Variants in ELP5 observed in about 807,000 individuals in gnomAD.
The protein encoded by ELP5 is elongator complex protein 5.
Under a neutral mutation model 33.4 loss-of-function variants are expected in ELP5, and 34 were observed. That is an observed-to-expected ratio of 1.02 (90% CI 0.78 to 1.36). ELP5 has a LOEUF of 1.36. Ranked by LOEUF, ELP5 falls within the 40% of genes most tolerant of loss-of-function variation. The pLI, the probability that ELP5 is intolerant of heterozygous loss-of-function variation, is 0.00. For synonymous variants in ELP5, 161 were observed against 146.4 expected, an observed-to-expected ratio of 1.10 and a Z score of -0.72; for missense variants, 373 against 371.7, an observed-to-expected ratio of 1.00 and a Z score of -0.03.
intron 3 of ELP5, among the ~76,000 whole-genome samples, chr17:7,254,176 C>T (rs947611674): frequency 1.3e-5 from 2 of 152,188 alleles, no homozygotes; most frequent in African/African-American, 4.8e-5. Context: ...AATCTCACGT[C>T]CTCTGCTTTC....
chr17:7,259,866 A>C lies in ELP5; in HGVS notation c.*181A>C, dbSNP rs1240635794. ...TCTCATCAGGACAGAAGGTAGGATG[A>C]AGACATGGGGTAATGTGAGAGAGTA... On this transcript the variant is annotated 3_prime_UTR_variant, in exon 8 of 8. Transcript: ENST00000396628. The C allele has an allele frequency of 3.7e-6, 4 of 1,070,122 alleles. No individual in the cohort carries two copies. Among genetic ancestry groups the C allele is most frequent in the African/African-American group, 1.6e-5 (1 of 62,856 alleles). 66.3% of individuals were successfully genotyped at this position (1,070,122 alleles called of 1,614,324 possible). A position where few individuals can be genotyped will look rare whatever the true frequency, so the allele number is the denominator to read the frequency against.
chr17:7,256,848 C>T lies in ELP5; in HGVS notation c.410-9C>T, dbSNP rs778004800. ...TCCCTACTATCCTACATTTCTTGTC[C>T]TCCTCTAGGTGACAGCTCCTCAGTG... On this transcript the variant is annotated splice_polypyrimidine_tract_variant and intron_variant, in intron 4 of 7. Transcript: ENST00000396628. 1 of 1,614,086 alleles carries T rather than the reference C, an allele frequency of 6.2e-7. No homozygotes were observed. The highest frequency in any genetic ancestry group is 8.5e-7 in the Non-Finnish European group (1 of 1,179,940).
In ELP5 at chr17:7,259,029, A is replaced by G. The variant is rs989758448; in HGVS notation, c.788+103A>G. 1.5e-5 allele frequency: 23 copies of G among 1,531,966 alleles called. No homozygotes were observed. The African/African-American group carries it at 2.6e-4, about 18-fold the overall frequency. 94.9% of individuals were successfully genotyped at this position (1,531,966 alleles called of 1,614,324 possible). ...TATTGATTAACCTGACTTTATAGGG[A>G]CTGAAGTCCACCTCCAGAGACAAGT... is the stretch of plus-strand genomic sequence containing the variant. On this transcript the variant is annotated intron_variant, in intron 7 of 7. Coordinates refer to ENST00000396628, the MANE Select transcript of ELP5 (RefSeq NM_203414.3).
At position 7,252,437 on chromosome 17, in the gene ELP5, T is replaced by G. The variant is rs1567589939; in HGVS notation, c.-114T>G. 2.0e-6 allele frequency: 3 copies of G among 1,491,314 alleles called. No homozygotes were observed. The Admixed American group carries it at 5.5e-5, about 27-fold the overall frequency. 92.4% of individuals were successfully genotyped at this position (1,491,314 alleles called of 1,614,324 possible). A position where few individuals can be genotyped will look rare whatever the true frequency, so the allele number is the denominator to read the frequency against. On this transcript the variant is annotated 5_prime_UTR_variant, in exon 1 of 8. Coordinates refer to ENST00000396628, the MANE Select transcript of ELP5 (RefSeq NM_203414.3). ...ACCTCTCATTCCAGACTATGTTAGG[T>G]CTTAATGGTGGGAGGACGCCCGAGT...
At position 7,257,037 on chromosome 17, in the gene ELP5, A is replaced by G; in HGVS notation, c.590A>G (p.Gln197Arg). 6.4e-7 allele frequency: 1 copy of G among 1,564,888 alleles called. No individual in the cohort carries two copies. ...AGGCCCCGACAGCGCCCAACTGACC[A>G]GGTCAGAAGAACCAACAGAGAAGGA... ...CRRPRQRPTD[Q>R]TQWFSILPDF... The change falls in exon 5 of 8, where the codon CAG becomes CGG. Residue 197 changes from glutamine to arginine, a missense_variant and splice_region_variant. By Grantham distance (43) the Gln-to-Arg change is conservative (BLOSUM62 1). Transcript: ENST00000396628.
At chr17:7,259,024 T>C in intron 7 of ELP5, 98 bp downstream of exon 7, 1 of 1,553,306 alleles carries the variant, frequency 6.4e-7, no homozygotes, top group Non-Finnish European at 8.7e-7. Flanking sequence ...CCTGACTTTA[T>C]AGGGACTGAA....
rs2072170286 is a variant in ELP5, at chr17:7,259,740, C to T, written c.*55C>T. Reference sequence around the variant, plus strand: ...AGGGGGCGCGGGAAGACTTTGGGCCCAGAACCATCTTTCTATTGTTTGTGT... The same window carrying T: ...AGGGGGCGCGGGAAGACTTTGGGCCTAGAACCATCTTTCTATTGTTTGTGT... On this transcript the variant is annotated 3_prime_UTR_variant, in exon 8 of 8. Transcript: ENST00000396628. 1 of 1,608,322 alleles carries T rather than the reference C, an allele frequency of 6.2e-7. No homozygotes were observed. Among genetic ancestry groups the T allele is most frequent in the East Asian group, 2.2e-5 (1 of 44,720 alleles).
At chr17:7,257,127 A>C (rs2072096271) in intron 5 of ELP5, 89 bp downstream of exon 5, 3 of 1,385,124 alleles carry the variant, frequency 2.2e-6, no homozygotes, top group Middle Eastern at 5.3e-4. Context: ...CTGATGTTTC[A>C]AGGAGACTTT....
chr17:7,256,857 G>C lies in ELP5; in HGVS notation c.410G>C (p.Gly137Ala). 1 of 1,614,188 alleles carries C rather than the reference G, an allele frequency of 6.2e-7. No individual in the cohort carries two copies. Among genetic ancestry groups the C allele is most frequent in the Non-Finnish European group, 8.5e-7 (1 of 1,180,028 alleles). ...TCCTACATTTCTTGTCCTCCTCTAG[G>C]TGACAGCTCCTCAGTGGGGAAAGTG... Reference protein sequence around the residue: ...HAVSHQDSCPGDSSSVGKVSV... With the variant: ...HAVSHQDSCPADSSSVGKVSV... Residue 137 changes from glycine to alanine, a missense_variant and splice_region_variant, in exon 5 of 8, where the codon GGT (glycine) becomes GCT (alanine). By Grantham distance (60) the Gly-to-Ala change is moderately conservative. Transcript: ENST00000396628.
intron 5 of ELP5, among the ~76,000 whole-genome samples, chr17:7,258,220 G>T (rs993804221): frequency 2.0e-5 from 3 of 152,150 alleles, no homozygotes; most frequent in African/African-American, 7.2e-5. Context: ...AGGCCGAAGT[G>T]GGCAGATCAC....
At chr17:7,259,231 C>T (rs2072154867) in intron 7 of ELP5, 2 of 1,376,748 alleles carry the variant, frequency 1.5e-6, no homozygotes, top group South Asian at 3.2e-5. Flanking sequence ...GCTAGGAGGA[C>T]AGAAGGCTAT....
rs1019218357 is a variant in ELP5, at chr17:7,256,730, G to A, written c.410-127G>A. 2.6e-5 allele frequency: 23 copies of A among 883,456 alleles called. No homozygotes were observed. The African/African-American group carries it at 3.3e-4, about 13-fold the overall frequency. 54.7% of individuals were successfully genotyped at this position (883,456 alleles called of 1,614,324 possible). On this transcript the variant is annotated intron_variant, in intron 4 of 7. Transcript: ENST00000396628. Reference sequence around the variant, plus strand: ...AGGCTCAGAGCACGGTAGTGAGATTGGCCAAGGGACGTCAGGATTTTGGCA... The same window carrying A: ...AGGCTCAGAGCACGGTAGTGAGATTAGCCAAGGGACGTCAGGATTTTGGCA...
Position 7,259,629 on chromosome 17 carries a change from C to T in ELP5, c.847C>T (p.Pro283Ser). The change falls in exon 8 of 8, where the codon CCA (proline) becomes TCA (serine). Residue 283 changes from proline to serine, a missense_variant. Pro to Ser is a moderately conservative substitution (Grantham distance 74, BLOSUM62 -1). Transcript: ENST00000396628. ...GGCTACCAGCCACATCTTCTATGAG[C>T]CAGATGCTTATGATGACCTGGACCA... The part of the protein sequence containing the change: ...GQATSHIFYE[P>S]DAYDDLDQED... The T allele has an allele frequency of 6.2e-7, 1 of 1,614,240 alleles. No individual in the cohort carries two copies. Among genetic ancestry groups the T allele is most frequent in the Non-Finnish European group, 8.5e-7 (1 of 1,180,044 alleles).
intron 7 of ELP5, 90 bp from the exon 8 acceptor site, chr17:7,259,481 T>A (rs2072161136): frequency 6.3e-7 from 1 of 1,577,632 alleles, no homozygotes; most frequent in African/African-American, 1.4e-5. Flanking sequence ...CCTAACAGGT[T>A]GCCTGAATGA....
intron 7 of ELP5, 169 bp downstream of exon 7, chr17:7,259,095 G>A (rs115727027): frequency 2.8e-6 from 4 of 1,453,744 alleles, no homozygotes; most frequent in East Asian, 2.5e-5. Context: ...AATGGCAGAG[G>A]ACCTTTATGT....
At chr17:7,259,384 A>G (rs2072159116) in intron 7 of ELP5, 187 bp from the exon 8 acceptor site, 2 of 1,428,830 alleles carry the variant, frequency 1.4e-6, no homozygotes, top group South Asian at 1.5e-5. Context: ...GAGCAGTACA[A>G]GGGTATCTAT....
intron 4 of ELP5, among the ~76,000 whole-genome samples, chr17:7,256,620 G>A (rs1281226408): frequency 6.6e-6 from 1 of 152,226 alleles, no homozygotes; most frequent in Non-Finnish European, 1.5e-5. Flanking sequence ...CTGAAGGCAG[G>A]AGCTGCTGAA....
At chr17:7,252,090 T>G, upstream of ELP5, 1 of 294,146 alleles carries the variant, frequency 3.4e-6, no homozygotes, top group Non-Finnish European at 6.6e-6. Flanking sequence ...CGGGTAGGTA[T>G]AAGGAAAGCC....
At chr17:7,259,496 C>A in intron 7 of ELP5, 75 bp from the exon 8 acceptor site, 2 of 1,592,050 alleles carry the variant, frequency 1.3e-6, no homozygotes, top group South Asian at 1.1e-5. Flanking sequence ...GAATGAGAGT[C>A]ACAGTCACCT....
Sources: allele counts gnomAD v4.1 joint callset (sites outside exome capture counted in the v4.1 genomes callset), GRCh38; gene constraint gnomAD v4.1.1; transcripts MANE v1.5; gene names NCBI Gene and HGNC (gene_info 2026-07-23, HGNC 2026-07-21).